AGMO: variants seen among roughly 807,000 people sequenced by gnomAD.
AGMO encodes the protein alkylglycerol monooxygenase, also known as glyceryl-ether monooxygenase.
Under a neutral mutation model 60.2 loss-of-function variants are expected in AGMO, and 75 were observed. That is an observed-to-expected ratio of 1.25 (90% CI 1.03 to 1.51). AGMO has a LOEUF of 1.51. AGMO is among the 40% of genes most tolerant of loss of function. The probability of loss-of-function intolerance (pLI) is 0.00; values close to 1 mark genes in which losing one functional copy is unlikely to be tolerated. For missense variants in AGMO, 763 were observed against 525.5 expected (o/e 1.45, Z -4.42); for synonymous variants, 261 against 177.1 (o/e 1.47, Z -3.76).
intron 5 of AGMO, among the ~76,000 whole-genome samples, chr7:15,414,356 T>A (rs1246479193): frequency 6.6e-6 from 1 of 152,076 alleles, no homozygotes; most frequent in Non-Finnish European, 1.5e-5. Context: ...AGCTAAAAGG[T>A]TGGGAGGGCT....
intron 12 of AGMO, among the ~76,000 whole-genome samples, chr7:15,291,959 C>T (rs1047029810): frequency 6.8e-6 from 1 of 146,896 alleles, no homozygotes; most frequent in Non-Finnish European, 1.5e-5. Context: ...GTGTGACAGG[C>T]ATGAATGCGA....
chr7:15,267,789 T>C (rs565649785), intron 12 of AGMO, among the ~76,000 whole-genome samples: 76 of 152,050 alleles, frequency 5.0e-4, no homozygotes, highest in African/African-American at 1.8e-3. Flanking sequence ...AAATGGAAAG[T>C]TAACACTTTA....
intron 3 of AGMO, among the ~76,000 whole-genome samples, chr7:15,511,757 A>C (rs778177251): frequency 1.3e-5 from 2 of 152,202 alleles, no homozygotes. Flanking sequence ...ATATAGTTTT[A>C]TTTGTCAATT....
chr7:15,231,379 G>A (rs1782254755), intron 12 of AGMO, among the ~76,000 whole-genome samples: 1 of 152,148 alleles, frequency 6.6e-6, no homozygotes, highest in South Asian at 2.1e-4. Flanking sequence ...GTGAGTCAAT[G>A]TATTCTTCCA....
chr7:15,375,258 T>C (rs1441153186), intron 10 of AGMO, among the ~76,000 whole-genome samples: 1 of 152,070 alleles, frequency 6.6e-6, no homozygotes, highest in Non-Finnish European at 1.5e-5. Flanking sequence ...AATAGGAAAC[T>C]TTTATTTTCT....
At chr7:15,369,100 T>TA (rs1267379025) in intron 10 of AGMO, among the ~76,000 whole-genome samples, 1 of 152,124 alleles carries the variant, frequency 6.6e-6, no homozygotes, top group Non-Finnish European at 1.5e-5. Flanking sequence ...CTACTTCTAA[T>TA]ATATCAAGAG....
chr7:15,560,360 G>A lies in AGMO; in HGVS notation c.127-89C>T, dbSNP rs1023918614. On this transcript the variant is annotated intron_variant, in intron 1 of 12. Transcript: ENST00000342526. ...TGATTAGTCATTTCAGAATTGAAAG[G>A]CCCAGATTTGGGAAGCCCTGCAGGA... The A allele has an allele frequency of 9.1e-6, 13 of 1,428,042 alleles. No individual in the cohort carries two copies. In the African/African-American group the frequency reaches 1.6e-4, roughly 17 times the overall value. The allele number at this position is 1,428,042 out of a possible 1,614,324, so 88.5% of individuals were successfully genotyped here. A position where few individuals can be genotyped will look rare whatever the true frequency, so the allele number is the denominator to read the frequency against.
At chr7:15,375,204 G>A (rs1319472891) in intron 10 of AGMO, among the ~76,000 whole-genome samples, 1 of 151,958 alleles carries the variant, frequency 6.6e-6, no homozygotes, top group Non-Finnish European at 1.5e-5. Flanking sequence ...GAGCCACTCT[G>A]AATAATCTGT....
intron 12 of AGMO, among the ~76,000 whole-genome samples, chr7:15,355,241 G>A (rs796356214): frequency 3.9e-5 from 6 of 152,158 alleles, no homozygotes; most frequent in African/African-American, 9.6e-5. Context: ...GGTGGCTCAC[G>A]TCTATAATTC....
chr7:15,395,741 A>C (rs1184256797), intron 5 of AGMO, among the ~76,000 whole-genome samples: 1 of 152,242 alleles, frequency 6.6e-6, no homozygotes, highest in Admixed American at 6.5e-5. Context: ...AACTGCTAGT[A>C]ATGTCCATAA....
At chr7:15,214,182 C>T (rs1023774126) in intron 12 of AGMO, among the ~76,000 whole-genome samples, 30 of 151,846 alleles carry the variant, frequency 2.0e-4, no homozygotes, top group African/African-American at 6.5e-4. Flanking sequence ...AACAAATCCA[C>T]GGGGAATTTG....
intron 3 of AGMO, among the ~76,000 whole-genome samples, chr7:15,498,318 T>A (rs1330296484): frequency 6.6e-6 from 1 of 151,970 alleles, no homozygotes; most frequent in Non-Finnish European, 1.5e-5. Flanking sequence ...GAAAGGTAGT[T>A]AGTGGGGATA....
chr7:15,288,872 T>C (rs1214329732), intron 12 of AGMO, among the ~76,000 whole-genome samples: 2 of 150,468 alleles, frequency 1.3e-5, no homozygotes, highest in African/African-American at 2.5e-5. Context: ...AAAATATATA[T>C]ACACTCTTAT....
At chr7:15,488,299 T>C (rs980014537) in intron 3 of AGMO, among the ~76,000 whole-genome samples, 2 of 152,224 alleles carry the variant, frequency 1.3e-5, no homozygotes, top group African/African-American at 4.8e-5. Flanking sequence ...TTTTTAAAAA[T>C]TGTTTCTACT....
At chr7:15,374,819 G>T (rs1783381078) in intron 10 of AGMO, among the ~76,000 whole-genome samples, 2 of 152,148 alleles carry the variant, frequency 1.3e-5, no homozygotes, top group African/African-American at 4.8e-5. Flanking sequence ...AAGAAGGCTA[G>T]CATTTGGAAA....
At chr7:15,351,433 G>A (rs960825434) in intron 12 of AGMO, among the ~76,000 whole-genome samples, 3 of 152,090 alleles carry the variant, frequency 2.0e-5, no homozygotes, top group African/African-American at 7.2e-5. Context: ...TCAGGGGTGA[G>A]GAGAATTTGA....
the AGMO span, among the ~76,000 whole-genome samples, chr7:15,167,450 C>T: frequency 1.3e-5 from 2 of 152,066 alleles, no homozygotes; most frequent in East Asian, 3.9e-4. Flanking sequence ...CTGCAAGAGA[C>T]GCTAAAGAGT....
chr7:15,322,465 T>TATAAATATATAA (rs1330154773), intron 12 of AGMO, among the ~76,000 whole-genome samples: 2 of 76,210 alleles, frequency 2.6e-5, no homozygotes, highest in African/African-American at 9.6e-5. Flanking sequence ...TAAATATATA[T>TATAAATATATAA]AAATATATAA....
At chr7:15,327,736 CTTTCTTTT>C (rs1345467498) in intron 12 of AGMO, among the ~76,000 whole-genome samples, 49 of 111,214 alleles carry the variant, frequency 4.4e-4, no homozygotes, top group East Asian at 6.1e-4. Flanking sequence ...AAACTGATTT[CTTTCTTTT>C]TTTTTTTTTT....
Sources: gnomAD v4.1 joint callset for allele counts (sites outside exome capture counted in the v4.1 genomes callset) on GRCh38, gnomAD v4.1.1 for gene constraint, MANE v1.5 for transcripts, NCBI Gene and HGNC (gene_info 2026-07-23, HGNC 2026-07-21) for gene names.